Variants in C8orf34 observed in about 807,000 individuals in gnomAD.
C8orf34 encodes the protein uncharacterized protein C8orf34.
C8orf34 carries 65 observed loss-of-function variants against 68.3 expected under a neutral mutation model. That is an observed-to-expected ratio of 0.95 (90% confidence interval 0.78 to 1.17). C8orf34 has a LOEUF of 1.17. Ranked by LOEUF, C8orf34 falls within the 50% of genes most tolerant of loss-of-function variation. The pLI is 0.00. For missense variants in C8orf34, 664 were observed against 655.4 expected (o/e 1.01, Z -0.14); for synonymous variants, 244 against 241.2 (o/e 1.01, Z -0.11).
intron 3 of C8orf34, among the ~76,000 whole-genome samples, chr8:68,450,927 T>G (rs555779870): frequency 9.3e-4 from 141 of 152,264 alleles, no homozygotes; most frequent in African/African-American, 3.2e-3. Context: ...GACTTCTCTC[T>G]AGCTATGAAA....
intron 7 of C8orf34, among the ~76,000 whole-genome samples, chr8:68,606,614 C>CT (rs1817861676): frequency 6.6e-6 from 1 of 151,958 alleles, no homozygotes; most frequent in Non-Finnish European, 1.5e-5. Flanking sequence ...TTAATGTCAT[C>CT]CAATAAATTT....
At chr8:68,540,618 A>G (rs1485731397) in intron 7 of C8orf34, among the ~76,000 whole-genome samples, 1 of 151,972 alleles carries the variant, frequency 6.6e-6, no homozygotes, top group Non-Finnish European at 1.5e-5. Context: ...CAAGGCAGGC[A>G]GATCACAAGG....
At chr8:68,538,850 T>C (rs919383639) in intron 7 of C8orf34, among the ~76,000 whole-genome samples, 5 of 152,148 alleles carry the variant, frequency 3.3e-5, no homozygotes, top group Non-Finnish European at 7.4e-5. Flanking sequence ...TTTTCCTCTG[T>C]GTAAATGTAT....
At chr8:68,676,938 G>A (rs949397933) in intron 8 of C8orf34, among the ~76,000 whole-genome samples, 2 of 152,110 alleles carry the variant, frequency 1.3e-5, no homozygotes, top group East Asian at 3.9e-4. Flanking sequence ...CAGCTGTCTT[G>A]AGACCCATTC....
At chr8:68,451,127 A>G (rs1811325764) in intron 3 of C8orf34, among the ~76,000 whole-genome samples, 1 of 152,060 alleles carries the variant, frequency 6.6e-6, no homozygotes, top group East Asian at 1.9e-4. Flanking sequence ...AACCACATGA[A>G]CCAACATCTG....
At chr8:68,465,727 C>T (rs1263702548) in intron 3 of C8orf34, among the ~76,000 whole-genome samples, 3 of 151,176 alleles carry the variant, frequency 2.0e-5, no homozygotes, top group African/African-American at 7.3e-5. Context: ...CGCATGTTCT[C>T]ACTCATAGGT....
intron 8 of C8orf34, among the ~76,000 whole-genome samples, chr8:68,640,911 C>T (rs1167511385): frequency 6.6e-6 from 1 of 152,152 alleles, no homozygotes; most frequent in Non-Finnish European, 1.5e-5. Flanking sequence ...CTTAACCTGC[C>T]CCTTATCCTG....
intron 7 of C8orf34, among the ~76,000 whole-genome samples, chr8:68,561,651 G>T (rs1315980104): frequency 6.6e-6 from 1 of 152,100 alleles, no homozygotes; most frequent in Non-Finnish European, 1.5e-5. Context: ...CCAGCTACTT[G>T]GGAGGCTGAG....
chr8:68,773,250 T>G (rs1386706324), intron 10 of C8orf34, among the ~76,000 whole-genome samples: 1 of 152,146 alleles, frequency 6.6e-6, no homozygotes, highest in Non-Finnish European at 1.5e-5. Flanking sequence ...ATCAAGCCTC[T>G]TGACTTGGGC....
chr8:68,516,570 G>A (rs138843877), intron 5 of C8orf34, among the ~76,000 whole-genome samples: 103 of 152,184 alleles, frequency 6.8e-4, no homozygotes, highest in African/African-American at 2.4e-3. Context: ...TTGCTGATAA[G>A]CCATACTGCA....
At chr8:68,622,159 G>A (rs77792411) in intron 7 of C8orf34, among the ~76,000 whole-genome samples, 1,650 of 152,326 alleles carry the variant, frequency 0.011, 30 homozygotes, top group African/African-American at 0.037. Context: ...TTGTGGTGTG[G>A]CCTCCCCAGT....
At chr8:68,475,422 A>G (rs146838429) in intron 4 of C8orf34, among the ~76,000 whole-genome samples, 2 of 152,218 alleles carry the variant, frequency 1.3e-5, no homozygotes, top group Admixed American at 6.5e-5. Context: ...AGATTAGCAC[A>G]TAACTTGGTT....
chr8:68,503,966 TA>T (rs1813893220), intron 5 of C8orf34, among the ~76,000 whole-genome samples: 1 of 152,178 alleles, frequency 6.6e-6, no homozygotes, highest in South Asian at 2.1e-4. Context: ...CCTTTTAAAG[TA>T]TATGGTTTAG....
chr8:68,538,633 G>A (rs1279259608), intron 7 of C8orf34, among the ~76,000 whole-genome samples: 1 of 152,002 alleles, frequency 6.6e-6, no homozygotes, highest in Admixed American at 6.6e-5. Context: ...TTGGGAAGTT[G>A]CCTAAAAACA....
intron 1 of C8orf34, among the ~76,000 whole-genome samples, chr8:68,430,699 A>G (rs1810417931): frequency 1.3e-5 from 2 of 152,116 alleles, no homozygotes; most frequent in South Asian, 4.1e-4. Context: ...GGTCCTTGTG[A>G]ATGAGGAAGG....
At chr8:68,421,590 G>A (rs1303339598) in intron 1 of C8orf34, among the ~76,000 whole-genome samples, 1 of 152,074 alleles carries the variant, frequency 6.6e-6, no homozygotes, top group East Asian at 1.9e-4. Flanking sequence ...AAAACCCTAG[G>A]CTACTCAGCC....
At chr8:68,360,584 C>T (rs1367330864) in intron 1 of C8orf34, among the ~76,000 whole-genome samples, 3 of 152,096 alleles carry the variant, frequency 2.0e-5, no homozygotes, top group Non-Finnish European at 2.9e-5. Context: ...TAATTCCAAA[C>T]TAGGGCAGCA....
At chr8:68,730,879 T>G (rs1387932979) in intron 10 of C8orf34, among the ~76,000 whole-genome samples, 1 of 152,196 alleles carries the variant, frequency 6.6e-6, no homozygotes, top group Non-Finnish European at 1.5e-5. Context: ...GAGTCTGTTC[T>G]GAACGTGATG....
intron 10 of C8orf34, among the ~76,000 whole-genome samples, chr8:68,755,984 G>A (rs928990718): frequency 6.6e-6 from 1 of 151,680 alleles, no homozygotes; most frequent in South Asian, 2.1e-4. Flanking sequence ...GGAGAATGGC[G>A]TGAACCCGGG....
Sources: allele counts gnomAD v4.1 joint callset (sites outside exome capture counted in the v4.1 genomes callset), GRCh38; gene constraint gnomAD v4.1.1; transcripts MANE v1.5; gene names NCBI Gene and HGNC (gene_info 2026-07-23, HGNC 2026-07-21).